GSAP: variants seen among roughly 807,000 people sequenced by gnomAD.
GSAP encodes gamma-secretase activating protein.
A neutral mutation model predicts 131.7 loss-of-function variants in GSAP; 118 were observed. That is an observed-to-expected ratio of 0.90 (90% CI 0.77 to 1.04). The LOEUF (loss-of-function observed/expected upper bound fraction) is 1.04, where lower values mean the gene tolerates loss of function less well. Ranked by LOEUF, GSAP falls within the 50% of genes least tolerant of loss-of-function variation. GSAP has a pLI of 0.00. For synonymous variants in GSAP, 381 were observed against 363.4 expected, an observed-to-expected ratio of 1.05 and a Z score of -0.55; for missense variants, 1,019 against 1,013.2, an observed-to-expected ratio of 1.01 and a Z score of -0.08.
intron 12 of GSAP, among the ~76,000 whole-genome samples, chr7:77,365,938 C>T (rs1032587402): frequency 7.1e-6 from 1 of 141,096 alleles, no homozygotes; most frequent in South Asian, 2.2e-4. Context: ...TAATAATAGC[C>T]ATTCTGACTG....
chr7:77,381,363 GAAA>G lies in GSAP; in HGVS notation c.527-12_527-10del, dbSNP rs761632310. 9.2e-6 allele frequency: 13 copies of G among 1,413,992 alleles called. No individual in the cohort carries two copies. The highest frequency in any genetic ancestry group is 1.3e-5 in the Non-Finnish European group (13 of 1,023,842). 87.6% of individuals were successfully genotyped at this position (1,413,992 alleles called of 1,614,324 possible). ...ACGAAATTGTTCAATATCTTTAAAA[GAAA>G]AACAAAGAAAGATAATTTAACCTTA... On this transcript the variant is annotated splice_polypyrimidine_tract_variant and intron_variant, in intron 7 of 30. Coordinates refer to ENST00000257626, the MANE Select transcript of GSAP (RefSeq NM_017439.4).
intron 10 of GSAP, among the ~76,000 whole-genome samples, 197 bp from the exon 11 acceptor site, chr7:77,375,298 T>C (rs571920166): frequency 6.6e-6 from 1 of 152,348 alleles, no homozygotes; most frequent in Admixed American, 6.5e-5. Context: ...GGAATTTACA[T>C]ATAATCATGA....
At chr7:77,388,320 T>C (rs1230502680) in intron 5 of GSAP, among the ~76,000 whole-genome samples, 3 of 152,358 alleles carry the variant, frequency 2.0e-5, no homozygotes, top group South Asian at 2.1e-4. Flanking sequence ...ATATTGTTTG[T>C]GTAGGAAAAT....
intron 8 of GSAP, chr7:77,380,025 T>G: frequency 2.0e-6 from 1 of 506,582 alleles, no homozygotes; most frequent in African/African-American, 2.1e-5. Context: ...AAATCATTTT[T>G]AATATCAATA....
intron 1 of GSAP, among the ~76,000 whole-genome samples, chr7:77,408,926 G>A (rs940975442): frequency 6.6e-6 from 1 of 151,530 alleles, no homozygotes; most frequent in Non-Finnish European, 1.5e-5. Flanking sequence ...TGGAGCTGGA[G>A]GTGGGAAACA....
In GSAP at chr7:77,381,304, C is replaced by A; in HGVS notation, c.576+1G>T. ...AAGCGAAAAGAATTTCAAATCTTTA[C>A]CACTCTATTTCCATCTTCTTGGGCG... is the stretch of plus-strand genomic sequence containing the variant. On this transcript the variant is annotated splice_donor_variant, in intron 8 of 30. Coordinates refer to ENST00000257626, the MANE Select transcript of GSAP (RefSeq NM_017439.4). LOFTEE classifies it high-confidence loss of function. 1 of 1,533,636 alleles carries A rather than the reference C, an allele frequency of 6.5e-7. No individual in the cohort carries two copies. Among genetic ancestry groups the A allele is most frequent in the Non-Finnish European group, 8.9e-7 (1 of 1,129,620 alleles).
Position 77,313,498 on chromosome 7 carries a change from C to T in GSAP, c.2261G>A (p.Arg754Gln), listed in dbSNP as rs773644663. ...GTAACTCAGTATTACCGGAGGAAGCCGCACAATGATACTGAATTTCAGTTT... is the reference window on the plus strand; with the variant it reads ...GTAACTCAGTATTACCGGAGGAAGCTGCACAATGATACTGAATTTCAGTTT... ...NEKLKFSIIV[R>Q]LPPLIGQKIC... The change falls in exon 28 of 31, where the codon CGG (arginine) becomes CAG (glutamine). Residue 754 changes from arginine to glutamine, a missense_variant. By Grantham distance (43) the Arg-to-Gln change is conservative. Transcript: ENST00000257626. 1.3e-5 allele frequency: 20 copies of T among 1,555,308 alleles called. No homozygotes were observed. Among genetic ancestry groups the T allele is most frequent in the South Asian group, 6.7e-5 (6 of 89,250 alleles).
Position 77,330,347 on chromosome 7 carries a change from G to A in GSAP, c.1566C>T (p.Tyr522=), listed in dbSNP as rs747989404. The A allele has an allele frequency of 6.2e-7, 1 of 1,613,620 alleles. No homozygotes were observed. The highest frequency in any genetic ancestry group is 1.1e-5 in the South Asian group (1 of 91,034). Residue 522 remains tyrosine, a synonymous_variant, in exon 20 of 31, where the codon TAC becomes TAT. Transcript: ENST00000257626. ...CTAGGTTGGAGTTCAGTTTTTCCCA[G>A]TAGCCCTTAAAGCTGAGCACCTGTA... The part of the protein sequence containing the change: ...PLMKVLSFKG[Y]WEKLNSNLEY...
chr7:77,409,717 G>T (rs965159034), intron 1 of GSAP, among the ~76,000 whole-genome samples: 1 of 152,030 alleles, frequency 6.6e-6, no homozygotes, highest in African/African-American at 2.4e-5. Flanking sequence ...AGAGATCGTC[G>T]CAAAAGTACA....
chr7:77,347,847 T>TTTG (rs1792136968), intron 19 of GSAP, among the ~76,000 whole-genome samples: 2 of 152,072 alleles, frequency 1.3e-5, no homozygotes, highest in Non-Finnish European at 2.9e-5. Context: ...TCTTCACTGG[T>TTTG]TTGTTGTCCA....
intron 5 of GSAP, among the ~76,000 whole-genome samples, chr7:77,391,863 A>G (rs1372610389): frequency 6.6e-6 from 1 of 152,136 alleles, no homozygotes; most frequent in African/African-American, 2.4e-5. Context: ...ATGAAAGACC[A>G]AAGAACCAGA....
chr7:77,387,332 A>T (rs112714469), intron 6 of GSAP, 28 bp downstream of exon 6: 2 of 1,108,034 alleles, frequency 1.8e-6, no homozygotes, highest in Non-Finnish European at 2.8e-6. Context: ...GATTAATGAG[A>T]TAAGTGATAA....
intron 12 of GSAP, among the ~76,000 whole-genome samples, chr7:77,370,256 G>C (rs900837158): frequency 1.2e-4 from 18 of 151,980 alleles, no homozygotes; most frequent in Admixed American, 9.2e-4. Context: ...TCAGGAGTTC[G>C]AGACCAGCGT....
chr7:77,390,371 C>T (rs1488716067), intron 5 of GSAP, among the ~76,000 whole-genome samples: 1 of 152,054 alleles, frequency 6.6e-6, no homozygotes, highest in Non-Finnish European at 1.5e-5. Context: ...TGCCTATGTC[C>T]TGAATGGTAT....
At chr7:77,355,114 G>T (rs1341151056) in intron 16 of GSAP, 99 bp downstream of exon 16, 6 of 760,446 alleles carry the variant, frequency 7.9e-6, no homozygotes, top group Non-Finnish European at 1.1e-5. Flanking sequence ...TCAATTAATT[G>T]TTACTAAATA....
intron 12 of GSAP, among the ~76,000 whole-genome samples, chr7:77,370,058 T>G (rs1795888270): frequency 6.6e-6 from 1 of 152,200 alleles, no homozygotes; most frequent in African/African-American, 2.4e-5. Flanking sequence ...ATTTATAACT[T>G]ACAGCTAGTA....
At chr7:77,346,561 T>A (rs1791905333) in intron 19 of GSAP, among the ~76,000 whole-genome samples, 1 of 150,814 alleles carries the variant, frequency 6.6e-6, no homozygotes, top group African/African-American at 2.4e-5. Context: ...AAAGTTTTAA[T>A]TAACCAGACA....
chr7:77,392,818 T>C (rs1050203394), intron 5 of GSAP, among the ~76,000 whole-genome samples: 7 of 152,144 alleles, frequency 4.6e-5, no homozygotes, highest in Admixed American at 3.9e-4. Context: ...TCACAGAGCA[T>C]CTGTGACACT....
rs540639488 is a variant in GSAP at position 77,360,983 on chromosome 7, A to G, written c.950-82T>C. The G allele has an allele frequency of 1.2e-4, 91 of 777,528 alleles. 1 individual carries two copies. The Middle Eastern group carries it at 1.2e-3, about 10-fold the overall frequency. 48.2% of individuals were successfully genotyped at this position (777,528 alleles called of 1,614,324 possible). On this transcript the variant is annotated intron_variant, in intron 13 of 30. Coordinates refer to ENST00000257626, the MANE Select transcript of GSAP (RefSeq NM_017439.4). Reference sequence around the variant, plus strand: ...CAAGGCAGTGACTATGTAACACACTATATTTTCAGTGACCATGAAACTGGT... The same window carrying G: ...CAAGGCAGTGACTATGTAACACACTGTATTTTCAGTGACCATGAAACTGGT...
Sources: allele counts gnomAD v4.1 joint callset (sites outside exome capture counted in the v4.1 genomes callset), GRCh38; gene constraint gnomAD v4.1.1; transcripts MANE v1.5; gene names NCBI Gene and HGNC (gene_info 2026-07-23, HGNC 2026-07-21).